Variants in CUX1 observed in about 807,000 individuals in gnomAD.
CUX1 encodes the protein protein CASP.
Under a neutral mutation model 158.8 loss-of-function variants are expected in CUX1, and 31 were observed. That is an observed-to-expected ratio of 0.20 (90% CI 0.15 to 0.26). The LOEUF (loss-of-function observed/expected upper bound fraction) is 0.26. CUX1 is among the 10% of genes least tolerant of loss of function. The pLI, the probability that CUX1 is intolerant of heterozygous loss-of-function variation, is 1.00. For missense variants in CUX1, 1,589 were observed against 2,014.6 expected (o/e 0.79, Z 4.04); for synonymous variants, 879 against 862.1 (o/e 1.02, Z -0.34).
intron 1 of CUX1, among the ~76,000 whole-genome samples, chr7:101,834,161 GTTTCT>G (rs1794365980): frequency 1.0e-5 from 1 of 95,694 alleles, no homozygotes; most frequent in Non-Finnish European, 2.2e-5. Flanking sequence ...AAAGCTGATT[GTTTCT>G]TTTTTTTTTT....
intron 14 of CUX1, among the ~76,000 whole-genome samples, chr7:102,267,394 C>G (rs1554545297): frequency 6.6e-6 from 1 of 151,852 alleles, no homozygotes; most frequent in Non-Finnish European, 1.5e-5. Context: ...ATTAGCCAGG[C>G]ATGGTGGTGC....
In CUX1 at chr7:102,249,463, GC is replaced by G. The variant is rs1397241753; in HGVS notation, c.*422del. On this transcript the variant is annotated 3_prime_UTR_variant, in exon 24 of 24. Transcript: ENST00000292535. ...GAAGAAAACGGAAATGTGTGGTCGA[GC>G]TTTTTTGTACCCTGAAGTGTTTTTT... is the stretch of plus-strand genomic sequence containing the variant. 3.0e-6 allele frequency: 3 copies of G among 983,708 alleles called. No homozygotes were observed. Among genetic ancestry groups the G allele is most frequent in the Non-Finnish European group, 3.6e-6 (3 of 828,038 alleles). 60.9% of individuals were successfully genotyped at this position (983,708 alleles called of 1,614,324 possible). A position where few individuals can be genotyped will look rare whatever the true frequency, so the allele number is the denominator to read the frequency against.
chr7:102,250,847 G>C lies in CUX1; in HGVS notation c.*1805G>C, dbSNP rs963751448. 1.0e-6 allele frequency: 1 copy of C among 985,282 alleles called. No individual in the cohort carries two copies. Among genetic ancestry groups the C allele is most frequent in the Admixed American group, 6.2e-5 (1 of 16,250 alleles). The allele number at this position is 985,282 out of a possible 1,614,324, so 61.0% of individuals were successfully genotyped here. On this transcript the variant is annotated 3_prime_UTR_variant, in exon 24 of 24. Transcript: ENST00000292535. ...TTTCTTAAGTACCTGTGCACACGTA[G>C]AGTGCATTACTGCCACCTTTTTCAA...
rs528790380 is a variant in CUX1, at chr7:101,882,379, C to G, written c.31-33736C>G. Among the ~76,000 whole-genome samples the G allele has an allele frequency of 5.9e-5, 9 of 152,164 alleles. No individual in the cohort carries two copies. The South Asian group carries it at 1.9e-3, about 32-fold the overall frequency. Reference sequence around the variant, plus strand: ...TCACCCTCACACAACTTGGCTTAGCCTAGTTGGCAAAAGTGTCTCTTCAGA... The same window carrying G: ...TCACCCTCACACAACTTGGCTTAGCGTAGTTGGCAAAAGTGTCTCTTCAGA... On this transcript the variant is annotated intron_variant, in intron 1 of 23. Coordinates refer to ENST00000292535, the MANE Select transcript of CUX1 (RefSeq NM_181552.4).
chr7:102,168,928 C>A (rs148367504), intron 9 of CUX1, among the ~76,000 whole-genome samples: 4 of 34,094 alleles, frequency 1.2e-4, no homozygotes, highest in South Asian at 6.9e-4. Flanking sequence ...CTTTTCTTTT[C>A]TTTTATTTTC....
chr7:102,231,309 C>A (rs1248711209), intron 21 of CUX1, among the ~76,000 whole-genome samples: 1 of 149,540 alleles, frequency 6.7e-6, no homozygotes. Context: ...GGATTACAGG[C>A]GTGAGCCACT....
In CUX1 at chr7:101,939,885, A is replaced by G. The variant is rs1807485922; in HGVS notation, c.141+23660A>G. The stretch of plus-strand genomic sequence containing the variant: ...ATCAGGAGGTCAGGAGTTCAAGACC[A>G]GCCTGACCGACATGGTGAAACCCCA... On this transcript the variant is annotated intron_variant, in intron 2 of 23. Transcript: ENST00000292535. Among the ~76,000 whole-genome samples the G allele has an allele frequency of 3.9e-5, 6 of 152,098 alleles. No individual in the cohort carries two copies. The South Asian group carries it at 1.2e-3, about 32-fold the overall frequency.
exon 23 of CUX1, chr7:102,283,428 C>T (rs1204423867): frequency 6.1e-6 from 2 of 329,808 alleles, no homozygotes; most frequent in African/African-American, 2.1e-5. Flanking sequence ...GGGTGACCAC[C>T]GATTCCAGCT....
At chr7:101,849,934 T>C (rs1796098290) in intron 1 of CUX1, among the ~76,000 whole-genome samples, 2 of 139,532 alleles carry the variant, frequency 1.4e-5, no homozygotes, top group African/African-American at 5.3e-5. Flanking sequence ...TTTTTTTTTT[T>C]TTTTGACAGG....
At chr7:102,084,934 C>G (rs894705474) in intron 4 of CUX1, among the ~76,000 whole-genome samples, 1 of 131,822 alleles carries the variant, frequency 7.6e-6, no homozygotes, top group Admixed American at 8.4e-5. Flanking sequence ...AAGCAGACAT[C>G]CTTGCCTTGG....
At chr7:101,918,765 C>T (rs943303442) in intron 2 of CUX1, among the ~76,000 whole-genome samples, 3 of 151,892 alleles carry the variant, frequency 2.0e-5, no homozygotes, top group Non-Finnish European at 4.4e-5. Context: ...CTGCTGGTAA[C>T]TTTTTTTTTA....
chr7:102,087,251 T>G (rs766685296), intron 4 of CUX1, among the ~76,000 whole-genome samples: 1 of 152,202 alleles, frequency 6.6e-6, no homozygotes. Flanking sequence ...AATTATCTTA[T>G]TAGCTATAAC....
At chr7:101,852,726 G>A (rs1379857013) in intron 1 of CUX1, among the ~76,000 whole-genome samples, 1 of 136,376 alleles carries the variant, frequency 7.3e-6, no homozygotes, top group Non-Finnish European at 1.5e-5. Context: ...GCCCATGCTG[G>A]AGTGCAATGG....
intron 3 of CUX1, among the ~76,000 whole-genome samples, chr7:102,059,784 A>T (rs905535848): frequency 6.6e-6 from 1 of 152,120 alleles, no homozygotes; most frequent in Non-Finnish European, 1.5e-5. Context: ...CTACAGCCAG[A>T]CTTCGAGTGA....
chr7:102,120,446 C>A (rs1412736416), intron 8 of CUX1, among the ~76,000 whole-genome samples: 1 of 152,158 alleles, frequency 6.6e-6, no homozygotes, highest in Admixed American at 6.5e-5. Flanking sequence ...CCTCCCAAAC[C>A]TTTCCTGCCA....
chr7:102,244,168 T>G (rs931005624), intron 23 of CUX1, among the ~76,000 whole-genome samples: 3 of 152,144 alleles, frequency 2.0e-5, no homozygotes, highest in Non-Finnish European at 2.9e-5. Flanking sequence ...CCTGCCGTTA[T>G]ACCCGACAGA....
chr7:102,111,931 G>A (rs1319209584), intron 7 of CUX1, 157 bp downstream of exon 7: 15 of 605,570 alleles, frequency 2.5e-5, no homozygotes, highest in Non-Finnish European at 3.5e-5. Context: ...CAGCACGCCC[G>A]CCAGCTGCTG....
intron 8 of CUX1, 183 bp downstream of exon 8, chr7:102,115,456 A>G: frequency 2.0e-6 from 1 of 500,122 alleles, no homozygotes; most frequent in Non-Finnish European, 3.5e-6. Context: ...CTTCCAACAA[A>G]CTTCTTTCCT....
intron 8 of CUX1, among the ~76,000 whole-genome samples, chr7:102,135,484 G>A (rs1264601483): frequency 1.3e-4 from 20 of 151,884 alleles, no homozygotes; most frequent in African/African-American, 4.4e-4. Context: ...GACACACTCA[G>A]TGTAATTTTA....
Sources: gnomAD v4.1 joint callset for allele counts (sites outside exome capture counted in the v4.1 genomes callset) on GRCh38, gnomAD v4.1.1 for gene constraint, MANE v1.5 for transcripts, NCBI Gene and HGNC (gene_info 2026-07-23, HGNC 2026-07-21) for gene names.